The following HMBOX1 variants were observed in gnomAD, a reference collection of about 807,000 sequenced individuals.
The protein encoded by HMBOX1 is homeobox-containing protein 1.
Under a neutral mutation model 54.5 loss-of-function variants are expected in HMBOX1, and 14 were observed. That is an observed-to-expected ratio of 0.26 (90% CI 0.17 to 0.40). The LOEUF is 0.40. Among genes scored for constraint, HMBOX1 ranks in the 10% least tolerant of loss-of-function variants. The probability of loss-of-function intolerance (pLI) is 1.00; values close to 1 mark genes in which losing one functional copy is unlikely to be tolerated. For synonymous variants in HMBOX1, 160 were observed against 181.0 expected (o/e 0.88, Z 0.93); for missense variants, 332 against 514.4 (o/e 0.65, Z 3.43).
At chr8:29,029,156 G>GT (rs1248382882) in intron 6 of HMBOX1, among the ~76,000 whole-genome samples, 30 of 152,220 alleles carry the variant, frequency 2.0e-4, no homozygotes, top group African/African-American at 7.0e-4. Flanking sequence ...AAATAATCAT[G>GT]TTTTTCTTCC....
intron 5 of HMBOX1, among the ~76,000 whole-genome samples, chr8:29,017,004 T>A (rs1835123081): frequency 6.6e-6 from 1 of 152,202 alleles, no homozygotes; most frequent in African/African-American, 2.4e-5. Flanking sequence ...GATGTCCACA[T>A]TCCTGTGCTG....
At chr8:29,009,432 T>C (rs929026055) in intron 5 of HMBOX1, 3 of 981,508 alleles carry the variant, frequency 3.1e-6, no homozygotes, top group Non-Finnish European at 3.6e-6. Flanking sequence ...GGTTATATGA[T>C]ATTTCTAGCC....
Position 28,970,599 on chromosome 8 carries a change from C to G in HMBOX1, c.500+80C>G. The G allele has an allele frequency of 3.5e-6, 3 of 850,566 alleles. No individual in the cohort carries two copies. The highest frequency in any genetic ancestry group is 5.5e-6 in the Non-Finnish European group (3 of 544,366). The allele number at this position is 850,566 out of a possible 1,614,324, so 52.7% of individuals were successfully genotyped here. ...TTTTAAGTAGTATGCTGCGTTTCAG[C>G]TACTTAGCTATAAGAACTGTAACTT... is the stretch of plus-strand genomic sequence containing the variant. On this transcript the variant is annotated intron_variant, in intron 3 of 9. Transcript: ENST00000287701. The surrounding 1 kb of genome is among the most constrained non-coding windows in gnomAD (Gnocchi z 4.3).
intron 4 of HMBOX1, among the ~76,000 whole-genome samples, chr8:29,005,990 ATT>A (rs775589443): frequency 3.4e-4 from 41 of 120,848 alleles, no homozygotes; most frequent in African/African-American, 1.2e-3. Flanking sequence ...GATGCATTCT[ATT>A]TTTTTTTTTT....
chr8:28,929,636 ATTTG>A (rs1292714978), intron 1 of HMBOX1, among the ~76,000 whole-genome samples: 2 of 152,004 alleles, frequency 1.3e-5, no homozygotes, highest in East Asian at 1.9e-4. Context: ...TGTTTATTGT[ATTTG>A]TTTGGGATAG....
intron 6 of HMBOX1, among the ~76,000 whole-genome samples, chr8:29,021,846 C>G (rs1291662077): frequency 7.3e-6 from 1 of 136,114 alleles, no homozygotes; most frequent in African/African-American, 2.9e-5. Context: ...GGTGACAGAG[C>G]GAGACTCCGT....
chr8:29,029,295 TTAA>T (rs1802546466), intron 6 of HMBOX1, among the ~76,000 whole-genome samples: 1 of 152,222 alleles, frequency 6.6e-6, no homozygotes, highest in Admixed American at 6.5e-5. Context: ...AGAGACCCTT[TTAA>T]TGTCAGTAAG....
intron 6 of HMBOX1, among the ~76,000 whole-genome samples, chr8:29,025,702 G>A (rs928143565): frequency 6.6e-6 from 1 of 152,130 alleles, no homozygotes; most frequent in African/African-American, 2.4e-5. Flanking sequence ...TTAAAGCCAT[G>A]AGTGTGAATA....
chr8:28,990,396 T>C (rs1193039659), intron 4 of HMBOX1, among the ~76,000 whole-genome samples: 1 of 152,168 alleles, frequency 6.6e-6, no homozygotes, highest in Admixed American at 6.5e-5. Flanking sequence ...TCATGATAGA[T>C]GTTGTATTTT....
intron 4 of HMBOX1, among the ~76,000 whole-genome samples, chr8:28,997,670 A>G (rs951032147): frequency 6.6e-6 from 1 of 152,042 alleles, no homozygotes; most frequent in African/African-American, 2.4e-5. Context: ...CCTCAGCCTC[A>G]CAAGTAGCTG....
intron 6 of HMBOX1, among the ~76,000 whole-genome samples, chr8:29,028,871 C>G (rs1425985002): frequency 1.3e-5 from 2 of 152,088 alleles, no homozygotes; most frequent in Non-Finnish European, 2.9e-5. Flanking sequence ...ATTAACCTGC[C>G]CTATTTTCCT....
At chr8:29,036,554 G>A (rs749889502) in intron 6 of HMBOX1, among the ~76,000 whole-genome samples, 2 of 152,192 alleles carry the variant, frequency 1.3e-5, no homozygotes, top group Non-Finnish European at 2.9e-5. Context: ...TCCCAAAGAG[G>A]AAAAGGCAAG....
intron 3 of HMBOX1, among the ~76,000 whole-genome samples, chr8:28,972,523 A>C (rs1285800538): frequency 6.6e-6 from 1 of 152,208 alleles, no homozygotes; most frequent in East Asian, 1.9e-4. Flanking sequence ...GGGCAAATAA[A>C]AGTTACTTCG....
rs183887164 is a variant in HMBOX1, at chr8:28,952,992, A to G, written c.-57-10819A>G. ...ATAGCAGAACTACAGTTCTGCTAAG[A>G]CAAGGGAAGTCCGTTAGCTGATTGA... On this transcript the variant is annotated intron_variant, in intron 1 of 9. Coordinates refer to ENST00000287701, the MANE Select transcript of HMBOX1 (RefSeq NM_001135726.3). 4.6e-5 allele frequency among the ~76,000 whole-genome samples: 7 copies of G among 152,334 alleles called. No individual in the cohort carries two copies. In the East Asian group the frequency reaches 5.8e-4, roughly 13 times the overall value.
At chr8:28,942,619 C>T (rs1821646383) in intron 1 of HMBOX1, among the ~76,000 whole-genome samples, 2 of 152,008 alleles carry the variant, frequency 1.3e-5, no homozygotes, top group Non-Finnish European at 1.5e-5. Flanking sequence ...TCCTGCTGCT[C>T]CTTCATAACT....
intron 1 of HMBOX1, among the ~76,000 whole-genome samples, chr8:28,963,145 C>T (rs922744129): frequency 5.3e-5 from 8 of 152,090 alleles, no homozygotes; most frequent in South Asian, 2.1e-4. Context: ...CCACCACCCC[C>T]GGCTAATTTT....
intron 1 of HMBOX1, among the ~76,000 whole-genome samples, chr8:28,893,496 T>C (rs1334630244): frequency 4.6e-5 from 7 of 152,338 alleles, no homozygotes; most frequent in Non-Finnish European, 8.8e-5. Flanking sequence ...GTGAACACTA[T>C]GTATGGTCAC....
chr8:28,987,102 A>G (rs1010887533), intron 4 of HMBOX1, among the ~76,000 whole-genome samples: 1 of 152,170 alleles, frequency 6.6e-6, no homozygotes, highest in Non-Finnish European at 1.5e-5. Context: ...ATTGTCAGGT[A>G]TAAAATGGCA....
At chr8:28,937,230 GTTGT>G (rs1314097846) in intron 1 of HMBOX1, among the ~76,000 whole-genome samples, 3 of 152,150 alleles carry the variant, frequency 2.0e-5, no homozygotes, top group Admixed American at 6.5e-5. Context: ...GTAGTAATAA[GTTGT>G]TTGTTATCCA....
Sources: gnomAD v4.1 joint callset for allele counts (sites outside exome capture counted in the v4.1 genomes callset) on GRCh38, gnomAD v4.1.1 for gene constraint, Gnocchi (gnomAD v3.1) non-coding constraint, MANE v1.5 for transcripts, NCBI Gene and HGNC (gene_info 2026-07-23, HGNC 2026-07-21) for gene names.